SCML4: variants seen among roughly 807,000 people sequenced by gnomAD.
SCML4 encodes the protein Scm polycomb group protein like 4.
Under a neutral mutation model 41.1 loss-of-function variants are expected in SCML4, and 34 were observed. The observed-to-expected ratio is 0.83, with a 90% confidence interval of 0.63 to 1.10. The LOEUF (loss-of-function observed/expected upper bound fraction) is 1.10, where lower values mean the gene tolerates loss of function less well. SCML4 is among the 50% of genes least tolerant of loss of function. SCML4 has a pLI of 0.00. For synonymous variants in SCML4, 214 were observed against 220.9 expected, an observed-to-expected ratio of 0.97 and a Z score of 0.28; for missense variants, 522 against 534.1, an observed-to-expected ratio of 0.98 and a Z score of 0.22.
At chr6:107,733,137 C>T (rs1449035396) in intron 5 of SCML4, among the ~76,000 whole-genome samples, 1 of 152,188 alleles carries the variant, frequency 6.6e-6, no homozygotes, top group Non-Finnish European at 1.5e-5. Context: ...AGATTCAGAA[C>T]CAGAAGGCCT....
chr6:107,726,424 T>C (rs1209699843), intron 5 of SCML4, among the ~76,000 whole-genome samples: 1 of 149,150 alleles, frequency 6.7e-6, no homozygotes. Context: ...TCCCAGCTAC[T>C]CGGGAGGCTG....
chr6:107,791,010 C>G (rs1283748534), intron 1 of SCML4, among the ~76,000 whole-genome samples: 2 of 149,714 alleles, frequency 1.3e-5, no homozygotes, highest in East Asian at 4.0e-4. Context: ...GCGGAGGTTG[C>G]AGTGAGTGGA....
chr6:107,739,703 A>G (rs1325182786), intron 5 of SCML4, among the ~76,000 whole-genome samples: 1 of 152,216 alleles, frequency 6.6e-6, no homozygotes, highest in Admixed American at 6.5e-5. Flanking sequence ...TCTTGTCACA[A>G]TGGTGAGAAA....
chr6:107,793,478 G>C (rs1191552594), intron 1 of SCML4, among the ~76,000 whole-genome samples: 1 of 152,184 alleles, frequency 6.6e-6, no homozygotes, highest in East Asian at 1.9e-4. Context: ...GGACCTGTTG[G>C]TTCATTCTCA....
intron 1 of SCML4, among the ~76,000 whole-genome samples, chr6:107,817,167 C>T (rs1784599312): frequency 6.6e-6 from 1 of 152,088 alleles, no homozygotes; most frequent in Non-Finnish European, 1.5e-5. Context: ...CTAGCCTGTA[C>T]CCAGAAATAT....
At chr6:107,729,591 T>C (rs1235501441) in intron 5 of SCML4, among the ~76,000 whole-genome samples, 1 of 152,230 alleles carries the variant, frequency 6.6e-6, no homozygotes, top group East Asian at 1.9e-4. Context: ...TGTTTTTTTA[T>C]TGTCATGTAT....
chr6:107,790,297 T>C (rs1583592423), intron 1 of SCML4, among the ~76,000 whole-genome samples: 1 of 152,184 alleles, frequency 6.6e-6, no homozygotes, highest in African/African-American at 2.4e-5. Flanking sequence ...CTTGGGGCTT[T>C]GCATACAGTG....
the SCML4 span, among the ~76,000 whole-genome samples, chr6:107,844,930 T>A: frequency 3.4e-5 from 2 of 59,356 alleles, no homozygotes; most frequent in East Asian, 1.5e-3. Flanking sequence ...TTTAAATATG[T>A]ATATTAAAAA....
chr6:107,816,225 A>G (rs954575948), intron 1 of SCML4, among the ~76,000 whole-genome samples: 2 of 152,252 alleles, frequency 1.3e-5, no homozygotes, highest in African/African-American at 4.8e-5. Flanking sequence ...ATCAAACACG[A>G]TAAGTAAGAT....
intron 1 of SCML4, among the ~76,000 whole-genome samples, chr6:107,823,913 A>G (rs1457486339): frequency 1.3e-5 from 2 of 152,196 alleles, no homozygotes; most frequent in Non-Finnish European, 2.9e-5. Flanking sequence ...CCCCTCTGAG[A>G]TCTGGTTAAT....
intron 5 of SCML4, among the ~76,000 whole-genome samples, chr6:107,732,619 A>G (rs1406477049): frequency 2.6e-5 from 4 of 152,130 alleles, no homozygotes; most frequent in African/African-American, 9.7e-5. Context: ...ATTTTTGACC[A>G]AAGTCATCTG....
Position 107,736,106 on chromosome 6 carries a change from C to T in SCML4, c.682+8843G>A, listed in dbSNP as rs147682472. On this transcript the variant is annotated intron_variant, in intron 5 of 7. Transcript: ENST00000369020. The stretch of plus-strand genomic sequence containing the variant: ...AGCTGGAATGATGGGCTGTGCCTGC[C>T]CCGTGGTTGTCATCCAGCCCCGATG... Among the ~76,000 whole-genome samples the T allele has an allele frequency of 2.4e-3, 369 of 152,264 alleles. 2 individuals are homozygous for T. Among genetic ancestry groups the T allele is most frequent in the African/African-American group, 8.3e-3 (343 of 41,544 alleles).
chr6:107,785,621 C>T (rs967624915), intron 1 of SCML4, among the ~76,000 whole-genome samples: 6 of 152,218 alleles, frequency 3.9e-5, no homozygotes, highest in African/African-American at 1.4e-4. Context: ...GTGGTCCAGC[C>T]TTGCCTATGT....
chr6:107,744,879 T>C, intron 5 of SCML4, 70 bp downstream of exon 5: 3 of 1,263,684 alleles, frequency 2.4e-6, no homozygotes, highest in South Asian at 1.5e-5. Flanking sequence ...GCTCCCTCCA[T>C]AGTGGAAGGG....
intron 2 of SCML4, among the ~76,000 whole-genome samples, chr6:107,751,394 G>A (rs1005122983): frequency 1.3e-5 from 2 of 152,022 alleles, no homozygotes; most frequent in Non-Finnish European, 2.9e-5. Context: ...AAGCCCCAAG[G>A]TTCTGAGGCA....
At chr6:107,774,896 G>A (rs984245942) in intron 1 of SCML4, among the ~76,000 whole-genome samples, 2 of 151,606 alleles carry the variant, frequency 1.3e-5, no homozygotes, top group Admixed American at 6.6e-5. Flanking sequence ...GGTGGCAGGC[G>A]CCTATAATTC....
At chr6:107,778,223 ATATATATATAT>A (rs1488708375) in intron 1 of SCML4, among the ~76,000 whole-genome samples, 25 of 3,116 alleles carry the variant, frequency 8.0e-3, no homozygotes, top group Admixed American at 0.012. Flanking sequence ...AAAAAAAAAA[ATATATATATAT>A]ATATATATAT....
intron 6 of SCML4, 34 bp downstream of exon 6, chr6:107,720,669 A>G (rs1419687498): frequency 2.9e-5 from 43 of 1,504,736 alleles, no homozygotes; most frequent in Non-Finnish European, 3.8e-5. Context: ...AGGGATGTTA[A>G]GTCAGTGGGA....
At chr6:107,755,489 A>T (rs545609602) in intron 2 of SCML4, 6 of 520,850 alleles carry the variant, frequency 1.2e-5, no homozygotes, top group African/African-American at 8.2e-5. Context: ...GAAAAGTCCT[A>T]AAAAAGAAGA....
Sources: gnomAD v4.1 joint callset for allele counts (sites outside exome capture counted in the v4.1 genomes callset) on GRCh38, gnomAD v4.1.1 for gene constraint, MANE v1.5 for transcripts, NCBI Gene and HGNC (gene_info 2026-07-23, HGNC 2026-07-21) for gene names.